PCBP3: variants seen among roughly 807,000 people sequenced by gnomAD.
PCBP3 encodes the protein poly(rC) binding protein 3, also known as poly(rC)-binding protein 3.
In PCBP3, 25 loss-of-function variants were observed where a neutral mutation model predicts 52.7. The observed-to-expected ratio is 0.47, with a 90% CI of 0.35 to 0.66. PCBP3 has a LOEUF of 0.66. Among genes scored for constraint, PCBP3 ranks in the 30% least tolerant of loss-of-function variants. The pLI, the probability that PCBP3 is intolerant of heterozygous loss-of-function variation, is 0.01. For missense variants in PCBP3, 391 were observed against 490.3 expected (o/e 0.80, Z 1.91); for synonymous variants, 162 against 183.0 (o/e 0.89, Z 0.93).
intron 4 of PCBP3, among the ~76,000 whole-genome samples, chr21:45,756,880 C>T (rs1372159505): frequency 6.6e-6 from 1 of 152,068 alleles, no homozygotes; most frequent in East Asian, 1.9e-4. Flanking sequence ...ATGGATGGAC[C>T]ACATTTTGTT....
At chr21:45,782,282 G>A in intron 4 of PCBP3, among the ~76,000 whole-genome samples, 1 of 152,124 alleles carries the variant, frequency 6.6e-6, no homozygotes, top group East Asian at 1.9e-4. Context: ...AGATTAGTAT[G>A]TTTTTTAAAA....
intron 2 of PCBP3, among the ~76,000 whole-genome samples, chr21:45,707,328 T>G (rs2083514974): frequency 6.6e-6 from 1 of 151,924 alleles, no homozygotes. Context: ...CCAGCCTGGT[T>G]AACATGGTGA....
chr21:45,863,487 G>A (rs1279338351), intron 5 of PCBP3, among the ~76,000 whole-genome samples: 1 of 152,242 alleles, frequency 6.6e-6, no homozygotes, highest in Non-Finnish European at 1.5e-5. Context: ...TGGGGGAAGG[G>A]GGTATTGAAA....
chr21:45,893,785 G>T (rs923904805), intron 5 of PCBP3: 3 of 985,514 alleles, frequency 3.0e-6, no homozygotes, highest in Non-Finnish European at 3.6e-6. Context: ...TGTGGGGAGG[G>T]GCGGGCAAGC....
chr21:45,694,181 A>G (rs2082638135), intron 2 of PCBP3, among the ~76,000 whole-genome samples: 1 of 152,156 alleles, frequency 6.6e-6, no homozygotes, highest in Non-Finnish European at 1.5e-5. Flanking sequence ...GACCCAAAAA[A>G]CAACAAAAAC....
intron 4 of PCBP3, among the ~76,000 whole-genome samples, chr21:45,774,346 C>T (rs1183644564): frequency 3.3e-5 from 5 of 150,188 alleles, no homozygotes; most frequent in East Asian, 1.9e-4. Flanking sequence ...ACCGAGATTG[C>T]GCCACTGCAC....
At chr21:45,925,986 C>T (rs2075353018) in intron 13 of PCBP3, among the ~76,000 whole-genome samples, 1 of 152,222 alleles carries the variant, frequency 6.6e-6, no homozygotes, top group Admixed American at 6.5e-5. Context: ...CCTGCCACAG[C>T]TGTAGAATTC....
At chr21:45,907,865 G>A (rs1270335723) in intron 9 of PCBP3, among the ~76,000 whole-genome samples, 1 of 151,144 alleles carries the variant, frequency 6.6e-6, no homozygotes, top group Admixed American at 6.6e-5. Flanking sequence ...GGCGGGGGGA[G>A]TGCTGGGCAG....
At position 45,940,244 on chromosome 21, in the gene PCBP3, G is replaced by A. The variant is rs764391232; in HGVS notation, c.1079+45G>A. ...CTCTGAGAGACGCCCGGAAAGGGAC[G>A]CGCCAGCCGGCGTTACATCACCTGG... On this transcript the variant is annotated intron_variant, in intron 17 of 17. Transcript: ENST00000681687. The A allele has an allele frequency of 2.7e-5, 41 of 1,543,492 alleles. 2 individuals are homozygous for A. In the South Asian group the frequency reaches 3.5e-4, roughly 13 times the overall value.
rs184160153 is a variant in PCBP3, at chr21:45,837,631, G to A, written c.-125-12330G>A. On this transcript the variant is annotated intron_variant, in intron 4 of 17. Coordinates refer to ENST00000681687, the MANE Select transcript of PCBP3 (RefSeq NM_001384156.1). The surrounding 1 kb of genome is among the most constrained non-coding windows in gnomAD (Gnocchi z 4.1). ...TTGGCTGGCTGCCTCCTCTGGCATG[G>A]TGCAGAGCCCACCTGCAACCCCATA... Among the ~76,000 whole-genome samples, 174 of 152,326 alleles carry A rather than the reference G, an allele frequency of 1.1e-3. 1 individual carries two copies. Among genetic ancestry groups the A allele is most frequent in the Middle Eastern group, 3.4e-3 (1 of 294 alleles).
At chr21:45,809,838 C>G (rs1603439664) in intron 4 of PCBP3, among the ~76,000 whole-genome samples, 1 of 152,336 alleles carries the variant, frequency 6.6e-6, no homozygotes, top group East Asian at 1.9e-4. Flanking sequence ...GTGTACAAGC[C>G]TTGCATACAC....
In PCBP3 at chr21:45,669,801, GTGTGTATATATATATATATA is replaced by G. The variant is rs1182568555; in HGVS notation, c.-200+851_-200+870del. Among the ~76,000 whole-genome samples the G allele has an allele frequency of 1.2e-4, 8 of 69,052 alleles. 1 individual carries two copies. Among genetic ancestry groups the G allele is most frequent in the Middle Eastern group, 8.5e-3 (1 of 118 alleles). The allele number at this position is 69,052 out of a possible 152,430, so 45.3% of individuals were successfully genotyped here. On this transcript the variant is annotated intron_variant, in intron 2 of 17. Transcript: ENST00000681687. Reference sequence around the variant, plus strand: ...ATAATATTCCATTGTGTGTGTGTGTGTGTGTATATATATATATATATATATATATATATATATATATATAT... The same window carrying G: ...ATAATATTCCATTGTGTGTGTGTGTGTATATATATATATATATATATATAT...
chr21:45,782,983 TC>T (rs2090759494), intron 4 of PCBP3, among the ~76,000 whole-genome samples: 1 of 152,182 alleles, frequency 6.6e-6, no homozygotes, highest in African/African-American at 2.4e-5. Context: ...TAGTTTGTAC[TC>T]CCACTAGCAG....
At chr21:45,709,334 A>C (rs1380732837) in intron 2 of PCBP3, among the ~76,000 whole-genome samples, 1 of 152,206 alleles carries the variant, frequency 6.6e-6, no homozygotes, top group Non-Finnish European at 1.5e-5. Flanking sequence ...CAGAGGAGAA[A>C]CACTCTATAT....
In PCBP3 at chr21:45,659,581, G is replaced by C. The variant is rs193077692; in HGVS notation, c.-278-9293G>C. 1.1e-3 allele frequency among the ~76,000 whole-genome samples: 161 copies of C among 152,068 alleles called. 2 individuals are homozygous for C. Among genetic ancestry groups the C allele is most frequent in the African/African-American group, 3.7e-3 (155 of 41,516 alleles). ...GCTCAGACTGGTCTCGAACTCCTGG[G>C]CTCAAGCAGTCCTCCCGCTATGGCC... On this transcript the variant is annotated intron_variant, in intron 1 of 17. Transcript: ENST00000681687.
chr21:45,759,892 A>G (rs147300061), intron 4 of PCBP3: 1 of 152,308 alleles, frequency 6.6e-6, no homozygotes, highest in African/African-American at 2.4e-5. Flanking sequence ...GAGAAAAGAC[A>G]TTGCCTTCAA....
chr21:45,848,490 C>G lies in PCBP3; in HGVS notation c.-125-1471C>G, dbSNP rs190679223. ...TGAGGAGCTTTCATTTGATTTAGTT[C>G]TAGGGAGTCAGCCTGGATGGATCAG... On this transcript the variant is annotated intron_variant, in intron 4 of 17. Transcript: ENST00000681687. 21 of 152,418 alleles carry G rather than the reference C, an allele frequency of 1.4e-4. No individual in the cohort carries two copies. The East Asian group carries it at 3.5e-3, about 25-fold the overall frequency. The allele number at this position is 152,418 out of a possible 1,614,324, so 9.4% of individuals were successfully genotyped here. A position where few individuals can be genotyped will look rare whatever the true frequency, so the allele number is the denominator to read the frequency against.
At chr21:45,938,256 G>A (rs1210368591) in intron 16 of PCBP3, among the ~76,000 whole-genome samples, 6 of 152,236 alleles carry the variant, frequency 3.9e-5, no homozygotes, top group African/African-American at 9.6e-5. Context: ...GACACCACGC[G>A]CTCCAGCGCA....
chr21:45,720,293 C>G (rs2084536519), intron 2 of PCBP3, among the ~76,000 whole-genome samples: 1 of 151,818 alleles, frequency 6.6e-6, no homozygotes, highest in Non-Finnish European at 1.5e-5. Context: ...TTGTTCAACT[C>G]CCACTTATGA....
Sources: gnomAD v4.1 joint callset for allele counts (sites outside exome capture counted in the v4.1 genomes callset) on GRCh38, gnomAD v4.1.1 for gene constraint, Gnocchi (gnomAD v3.1) non-coding constraint, MANE v1.5 for transcripts, NCBI Gene and HGNC (gene_info 2026-07-23, HGNC 2026-07-21) for gene names.